The following TSPAN5 variants were observed in gnomAD, a reference collection of about 807,000 sequenced individuals.
The protein encoded by TSPAN5 is tetraspanin-5.
In TSPAN5, 10 loss-of-function variants were observed where a neutral mutation model predicts 37.1. That is an observed-to-expected ratio of 0.27 (90% CI 0.17 to 0.46). TSPAN5 has a LOEUF of 0.46. Ranked by LOEUF, TSPAN5 falls within the 20% of genes least tolerant of loss-of-function variation. TSPAN5 has a pLI of 1.00. For synonymous variants in TSPAN5, 110 were observed against 118.9 expected (o/e 0.93, Z 0.48); for missense variants, 195 against 326.6 (o/e 0.60, Z 3.11).
At chr4:98,534,845 T>TTTTG (rs1421719051) in intron 1 of TSPAN5, among the ~76,000 whole-genome samples, 2 of 152,314 alleles carry the variant, frequency 1.3e-5, no homozygotes, top group South Asian at 4.1e-4. Flanking sequence ...AACTCCTGTT[T>TTTTG]TTTGTTTGTT....
chr4:98,526,114 C>A (rs1452937471), intron 1 of TSPAN5, among the ~76,000 whole-genome samples: 1 of 152,106 alleles, frequency 6.6e-6, no homozygotes, highest in African/African-American at 2.4e-5. Flanking sequence ...TGCAAAGGTC[C>A]AAGGTTTAAA....
chr4:98,608,487 C>G (rs985547353), intron 1 of TSPAN5, among the ~76,000 whole-genome samples: 5 of 152,098 alleles, frequency 3.3e-5, no homozygotes, highest in African/African-American at 1.2e-4. Flanking sequence ...ATGTTCCTAA[C>G]CCCCTTATCT....
chr4:98,498,078 G>A (rs572131911), intron 2 of TSPAN5, among the ~76,000 whole-genome samples: 15 of 152,290 alleles, frequency 9.8e-5, no homozygotes, highest in South Asian at 8.3e-4. Flanking sequence ...GAGATCTGCT[G>A]AAGGCCTGAA....
At chr4:98,473,664 T>G (rs2110250953) in intron 7 of TSPAN5, among the ~76,000 whole-genome samples, 1 of 152,328 alleles carries the variant, frequency 6.6e-6, no homozygotes, top group Admixed American at 6.5e-5. Context: ...TTTCACCTTG[T>G]TAGCCAGGAT....
At chr4:98,590,728 G>A (rs1755609380) in intron 1 of TSPAN5, among the ~76,000 whole-genome samples, 1 of 151,552 alleles carries the variant, frequency 6.6e-6, no homozygotes, top group African/African-American at 2.4e-5. Context: ...AAAAAAGAGA[G>A]AGAGAGAGAT....
At chr4:98,565,721 G>C (rs1249950803) in intron 1 of TSPAN5, among the ~76,000 whole-genome samples, 1 of 152,158 alleles carries the variant, frequency 6.6e-6, no homozygotes, top group African/African-American at 2.4e-5. Context: ...CAGCTGAGAG[G>C]CTGTCTGAGA....
chr4:98,518,098 T>C (rs1753774531), intron 1 of TSPAN5, among the ~76,000 whole-genome samples: 1 of 151,838 alleles, frequency 6.6e-6, no homozygotes, highest in Non-Finnish European at 1.5e-5. Context: ...TCTTGACTTT[T>C]TTTTTTTTTT....
At chr4:98,488,275 G>GGA (rs200158264) in intron 2 of TSPAN5, among the ~76,000 whole-genome samples, 1,776 of 152,244 alleles carry the variant, frequency 0.012, 15 homozygotes, top group South Asian at 0.022. Flanking sequence ...TCTGAACTTA[G>GGA]GAGTTTTAAG....
At chr4:98,619,949 C>G (rs1756443638) in intron 1 of TSPAN5, among the ~76,000 whole-genome samples, 1 of 152,112 alleles carries the variant, frequency 6.6e-6, no homozygotes, top group Non-Finnish European at 1.5e-5. Context: ...TAATTACCTC[C>G]TAAAAGCCTC....
chr4:98,615,406 A>G (rs957584942), intron 1 of TSPAN5, among the ~76,000 whole-genome samples: 2 of 152,174 alleles, frequency 1.3e-5, no homozygotes, highest in African/African-American at 4.8e-5. Flanking sequence ...TTTGTTCTCA[A>G]TCACTCAGCT....
intron 1 of TSPAN5, among the ~76,000 whole-genome samples, chr4:98,605,577 C>A (rs1267990096): frequency 6.6e-6 from 1 of 152,104 alleles, no homozygotes; most frequent in Non-Finnish European, 1.5e-5. Flanking sequence ...GAAAAATACT[C>A]CATAGTATAC....
chr4:98,632,687 A>G (rs1183286021), intron 1 of TSPAN5, among the ~76,000 whole-genome samples: 1 of 152,196 alleles, frequency 6.6e-6, no homozygotes, highest in Non-Finnish European at 1.5e-5. Context: ...AATCACCCAA[A>G]TATGCAATAA....
chr4:98,619,876 G>A (rs1756441824), intron 1 of TSPAN5, among the ~76,000 whole-genome samples: 2 of 152,076 alleles, frequency 1.3e-5, no homozygotes, highest in South Asian at 4.2e-4. Context: ...CGTGTTGGAA[G>A]GGGCAAACAA....
chr4:98,558,968 C>T (rs1754816275), intron 1 of TSPAN5, among the ~76,000 whole-genome samples: 1 of 152,180 alleles, frequency 6.6e-6, no homozygotes, highest in Admixed American at 6.5e-5. Context: ...ACTTAAATAA[C>T]AAAGACACAG....
chr4:98,609,178 C>CA, intron 1 of TSPAN5, among the ~76,000 whole-genome samples: 1 of 152,296 alleles, frequency 6.6e-6, no homozygotes, highest in South Asian at 2.1e-4. Flanking sequence ...TTTCAATCCC[C>CA]ACTGTAACAT....
intron 1 of TSPAN5, among the ~76,000 whole-genome samples, chr4:98,617,260 C>G (rs1475687106): frequency 6.6e-6 from 1 of 152,140 alleles, no homozygotes; most frequent in Non-Finnish European, 1.5e-5. Flanking sequence ...CATCAGAGAT[C>G]ATCTCACATC....
chr4:98,563,614 T>C (rs1754925420), intron 1 of TSPAN5, among the ~76,000 whole-genome samples: 2 of 152,214 alleles, frequency 1.3e-5, no homozygotes. Context: ...CCACACACTT[T>C]TCAAGAATTA....
chr4:98,556,839 G>A (rs930517337), intron 1 of TSPAN5, among the ~76,000 whole-genome samples: 1 of 152,066 alleles, frequency 6.6e-6, no homozygotes, highest in African/African-American at 2.4e-5. Flanking sequence ...ATCATTCTTT[G>A]CCAAAGATAA....
intron 1 of TSPAN5, among the ~76,000 whole-genome samples, chr4:98,631,823 C>G (rs1174376548): frequency 6.6e-6 from 1 of 152,206 alleles, no homozygotes; most frequent in African/African-American, 2.4e-5. Context: ...CCAAGTCAGA[C>G]AGGAGGAAAC....
Sources: allele counts gnomAD v4.1 joint callset (sites outside exome capture counted in the v4.1 genomes callset), GRCh38; gene constraint gnomAD v4.1.1; transcripts MANE v1.5; gene names NCBI Gene and HGNC (gene_info 2026-07-23, HGNC 2026-07-21).